TUSC3: variants seen among roughly 807,000 people sequenced by gnomAD.
TUSC3 encodes dolichyl-diphosphooligosaccharide--protein glycosyltransferase subunit TUSC3.
In TUSC3, 45 loss-of-function variants were observed where a neutral mutation model predicts 44.8. That is an observed-to-expected ratio of 1.00 (90% CI 0.79 to 1.29). TUSC3 has a LOEUF of 1.29. Ranked by LOEUF, TUSC3 falls within the 50% of genes most tolerant of loss-of-function variation. The probability of loss-of-function intolerance (pLI) is 0.00; values close to 1 mark genes in which losing one functional copy is unlikely to be tolerated. For synonymous variants in TUSC3, 212 were observed against 152.9 expected, an observed-to-expected ratio of 1.39 and a Z score of -2.85; for missense variants, 519 against 437.9, an observed-to-expected ratio of 1.19 and a Z score of -1.65.
At chr8:15,562,703 C>T (rs1473943954) in intron 1 of TUSC3, among the ~76,000 whole-genome samples, 2 of 152,070 alleles carry the variant, frequency 1.3e-5, no homozygotes, top group African/African-American at 2.4e-5. Context: ...TTGTTTTCTT[C>T]CTGCTTGTGT....
At chr8:15,829,366 C>T in the TUSC3 span, among the ~76,000 whole-genome samples, 1 of 152,182 alleles carries the variant, frequency 6.6e-6, no homozygotes, top group African/African-American at 2.4e-5. Flanking sequence ...AATTGCCTTG[C>T]AAAGTGGCTG....
intron 6 of TUSC3, among the ~76,000 whole-genome samples, chr8:15,675,235 A>C (rs1360805156): frequency 6.6e-6 from 1 of 152,136 alleles, no homozygotes; most frequent in East Asian, 1.9e-4. Context: ...AATGACACTT[A>C]ACGTTGTAAA....
the TUSC3 span, among the ~76,000 whole-genome samples, chr8:15,782,936 C>T: frequency 6.6e-6 from 1 of 151,968 alleles, no homozygotes; most frequent in African/African-American, 2.4e-5. Context: ...CGAATTGTGT[C>T]TCTGGTAACA....
At chr8:15,588,578 T>C (rs907669497) in intron 1 of TUSC3, among the ~76,000 whole-genome samples, 1 of 152,204 alleles carries the variant, frequency 6.6e-6, no homozygotes, top group Non-Finnish European at 1.5e-5. Context: ...AATTTGTCTA[T>C]TTTTGTTTTT....
At chr8:15,800,976 C>A in the TUSC3 span, among the ~76,000 whole-genome samples, 1 of 152,130 alleles carries the variant, frequency 6.6e-6, no homozygotes, top group Non-Finnish European at 1.5e-5. Flanking sequence ...CATGCCTGCA[C>A]TATTTTAGCT....
At chr8:15,592,046 T>A (rs1056769301) in intron 1 of TUSC3, among the ~76,000 whole-genome samples, 3 of 152,166 alleles carry the variant, frequency 2.0e-5, no homozygotes, top group Non-Finnish European at 2.9e-5. Context: ...AGGCAGCTAA[T>A]AGTGTAGACT....
chr8:15,740,232 A>C (rs1325199962), intron 7 of TUSC3, among the ~76,000 whole-genome samples: 1 of 152,142 alleles, frequency 6.6e-6, no homozygotes, highest in Admixed American at 6.5e-5. Context: ...AACAAGTTCA[A>C]AGATCTCCTT....
At chr8:15,764,164 T>A in intron 10 of TUSC3, 39 bp from the exon 11 acceptor site, 1 of 1,554,106 alleles carries the variant, frequency 6.4e-7, no homozygotes, top group Non-Finnish European at 8.9e-7. Flanking sequence ...TTTCCTTATG[T>A]TCTATGTTCA....
At chr8:15,679,060 T>G (rs183618822) in intron 6 of TUSC3, among the ~76,000 whole-genome samples, 87 of 152,308 alleles carry the variant, frequency 5.7e-4, no homozygotes, top group African/African-American at 2.1e-3. Flanking sequence ...AACGCTACAG[T>G]GAACATACAA....
intron 2 of TUSC3, among the ~76,000 whole-genome samples, chr8:15,511,393 T>A (rs1435873479): frequency 6.6e-6 from 1 of 152,096 alleles, no homozygotes; most frequent in African/African-American, 2.4e-5. Context: ...TGTGATGGAA[T>A]ATACAAAATA....
chr8:15,818,106 A>C, the TUSC3 span, among the ~76,000 whole-genome samples: 5 of 152,118 alleles, frequency 3.3e-5, no homozygotes, highest in African/African-American at 1.2e-4. Flanking sequence ...AGATTAGACA[A>C]GTTGAATCTG....
intron 1 of TUSC3, among the ~76,000 whole-genome samples, chr8:15,549,990 C>CT (rs1321695566): frequency 6.6e-6 from 1 of 151,706 alleles, no homozygotes; most frequent in East Asian, 1.9e-4. Flanking sequence ...GCTTACAACT[C>CT]TAAGGGGATC....
intron 6 of TUSC3, among the ~76,000 whole-genome samples, chr8:15,695,108 T>C (rs575248513): frequency 6.6e-6 from 1 of 152,240 alleles, no homozygotes; most frequent in Admixed American, 6.5e-5. Context: ...GTCAGTGCAG[T>C]GGTGGTGTCA....
At chr8:15,552,902 T>C (rs538561764) in intron 1 of TUSC3, among the ~76,000 whole-genome samples, 2 of 151,694 alleles carry the variant, frequency 1.3e-5, no homozygotes, top group South Asian at 2.1e-4. Context: ...TGAGAGGTAA[T>C]GATGACTTGA....
At chr8:15,683,446 C>A (rs1174868604) in intron 6 of TUSC3, among the ~76,000 whole-genome samples, 1 of 151,890 alleles carries the variant, frequency 6.6e-6, no homozygotes, top group African/African-American at 2.4e-5. Flanking sequence ...GTTAAGACTT[C>A]CAACTGTAAT....
intron 6 of TUSC3, among the ~76,000 whole-genome samples, chr8:15,710,176 C>T (rs1480489347): frequency 6.6e-6 from 1 of 151,754 alleles, no homozygotes; most frequent in African/African-American, 2.4e-5. Context: ...CTAGAATCAT[C>T]CTATGATGAT....
chr8:15,459,455 G>T (rs1205190753), intron 1 of TUSC3, among the ~76,000 whole-genome samples: 1 of 151,864 alleles, frequency 6.6e-6, no homozygotes, highest in Non-Finnish European at 1.5e-5. Flanking sequence ...CAAGAATCCT[G>T]CTTTATTTGA....
the TUSC3 span, among the ~76,000 whole-genome samples, chr8:15,798,051 G>A: frequency 1.3e-5 from 2 of 152,170 alleles, no homozygotes; most frequent in South Asian, 2.1e-4. Context: ...CCTAGGAGAG[G>A]AAAGAAACAT....
chr8:15,770,069 A>G (rs952814717), downstream of TUSC3, among the ~76,000 whole-genome samples: 6 of 152,234 alleles, frequency 3.9e-5, no homozygotes, highest in Non-Finnish European at 5.9e-5. Context: ...CTGGGTATAT[A>G]CACAAAGGAT....
Sources: allele counts gnomAD v4.1 joint callset (sites outside exome capture counted in the v4.1 genomes callset), GRCh38; gene constraint gnomAD v4.1.1; transcripts MANE v1.5; gene names NCBI Gene and HGNC (gene_info 2026-07-23, HGNC 2026-07-21).